Variants in SBNO2 observed in about 807,000 individuals in gnomAD.
SBNO2 encodes the protein protein strawberry notch homolog 2.
In SBNO2, 89 loss-of-function variants were observed where a neutral mutation model predicts 146.3. The ratio of observed to expected loss-of-function variants is 0.61; its 90% CI spans 0.51 to 0.73. The LOEUF is 0.73. Among genes scored for constraint, SBNO2 ranks in the 30% least tolerant of loss-of-function variants. The probability of loss-of-function intolerance (pLI) is 0.00; values close to 1 mark genes in which losing one functional copy is unlikely to be tolerated. For synonymous variants in SBNO2, 1,147 were observed against 892.6 expected (o/e 1.29, Z -5.08); for missense variants, 2,092 against 2,003.7 (o/e 1.04, Z -0.84).
rs932717753 is a variant in SBNO2, at chr19:1,150,534, G to A, written c.94-1092C>T. On this transcript the variant is annotated intron_variant, in intron 2 of 31. Coordinates refer to ENST00000361757, the MANE Select transcript of SBNO2 (RefSeq NM_014963.3). This position sits in a 1 kb window ranked among gnomAD's most constrained non-coding sequence, Gnocchi z 6.2. ...CCGTCACGGACGCCCCCACGGTCACGGGGGAGACCCTGCCGTCACGGACGC... is the reference window on the plus strand; with the variant it reads ...CCGTCACGGACGCCCCCACGGTCACAGGGGAGACCCTGCCGTCACGGACGC... Among the ~76,000 whole-genome samples the A allele has an allele frequency of 4.6e-5, 7 of 151,866 alleles. No individual in the cohort carries two copies. Among genetic ancestry groups the A allele is most frequent in the Non-Finnish European group, 8.8e-5 (6 of 67,890 alleles).
chr19:1,108,440 G>C lies in SBNO2; in HGVS notation c.3881C>G (p.Pro1294Arg). ...GGCCGCAGGGTCGGCCTGGGCGTCG[G>C]GGGTGCCCAGCGGCACGACGCCGGG... The part of the protein sequence containing the change: ...AGPGVVPLGT[P>R]DAQADPAALA... Residue 1294 changes from proline (P) to arginine (R), a missense_variant, in exon 32 of 32, where the codon CCC becomes CGC. Coordinates refer to ENST00000361757, the MANE Select transcript of SBNO2 (RefSeq NM_014963.3). The C allele has an allele frequency of 8.0e-7, 1 of 1,248,520 alleles. No individual in the cohort carries two copies. The highest frequency in any genetic ancestry group is 2.1e-5 in the South Asian group (1 of 46,754). The allele number at this position is 1,248,520 out of a possible 1,614,324, so 77.3% of individuals were successfully genotyped here.
chr19:1,128,569 T>A (rs2145244571), intron 4 of SBNO2, among the ~76,000 whole-genome samples: 1 of 151,968 alleles, frequency 6.6e-6, no homozygotes, highest in South Asian at 2.1e-4. Flanking sequence ...ATTTTTGTAT[T>A]TTTAGTAGAG....
chr19:1,156,705 G>A (rs922832603), intron 1 of SBNO2, among the ~76,000 whole-genome samples: 2 of 152,162 alleles, frequency 1.3e-5, no homozygotes, highest in African/African-American at 4.8e-5. Flanking sequence ...CCACAGCGCA[G>A]ACGCACCTTG....
chr19:1,134,316 A>ACCCACAGCTCC (rs1568598918), intron 4 of SBNO2, among the ~76,000 whole-genome samples: 24 of 146,996 alleles, frequency 1.6e-4, no homozygotes, highest in African/African-American at 3.7e-4. Context: ...CCTACAGCTC[A>ACCCACAGCTCC]CGGGTGGACC....
Position 1,116,815 on chromosome 19 carries a change from AC to A in SBNO2, c.1802+13del, listed in dbSNP as rs745648524. Reference sequence around the variant, plus strand: ...GCAGGAAGCCCACAGTCCTGTCCCCACCGTGACACTTACTCAGCGGCCGAGA... The same window carrying A: ...GCAGGAAGCCCACAGTCCTGTCCCCACGTGACACTTACTCAGCGGCCGAGA... On this transcript the variant is annotated intron_variant, in intron 16 of 31. Transcript: ENST00000361757. The A allele has an allele frequency of 1.9e-6, 3 of 1,571,872 alleles. No homozygotes were observed. Among genetic ancestry groups the A allele is most frequent in the Non-Finnish European group, 2.6e-6 (3 of 1,159,628 alleles).
At chr19:1,133,482 G>A (rs1318742670) in intron 4 of SBNO2, among the ~76,000 whole-genome samples, 2 of 152,160 alleles carry the variant, frequency 1.3e-5, no homozygotes, top group Non-Finnish European at 2.9e-5. Flanking sequence ...AGACCCTGAG[G>A]CCCTGTGCCA....
chr19:1,145,495 AAG>A (rs1320064538), intron 4 of SBNO2, among the ~76,000 whole-genome samples: 1 of 151,606 alleles, frequency 6.6e-6, no homozygotes, highest in African/African-American at 2.4e-5. Context: ...AAAAGAAAGA[AAG>A]AAAGGAAAGA....
intron 2 of SBNO2, 83 bp from the exon 3 acceptor site, chr19:1,149,525 G>A: frequency 7.6e-7 from 1 of 1,313,082 alleles, no homozygotes; most frequent in Non-Finnish European, 1.1e-6. Flanking sequence ...CAGGGTGACA[G>A]GCCGAGAGGC....
Position 1,126,906 on chromosome 19 carries a change from C to A in SBNO2, c.441+698G>T, listed in dbSNP as rs2079971875. ...AGTCGCACTGGGGCACGGCTAGAGG[C>A]TAGGCCCGAAGAACCTGGGGGCCCT... On this transcript the variant is annotated intron_variant, in intron 5 of 31. Transcript: ENST00000361757. This position sits in a 1 kb window ranked among gnomAD's most constrained non-coding sequence, Gnocchi z 4.4. Among the ~76,000 whole-genome samples, 1 of 152,222 alleles carries A rather than the reference C, an allele frequency of 6.6e-6. No individual in the cohort carries two copies. The highest frequency in any genetic ancestry group is 2.1e-4 in the South Asian group (1 of 4,834).
At position 1,108,221 on chromosome 19, in the gene SBNO2, C is replaced by G; in HGVS notation, c.4100G>C (p.Ter1367SerextTer29). Residue 1367 changes from the stop codon to serine (S), a stop_lost, in exon 32 of 32, where the codon TGA (stop) becomes TCA (serine). Transcript: ENST00000361757. ...PPFPGAQAPL[*>S] ...GGGCATGTTTCGCCTAAAGGCGTGT[C>G]AGAGAGGAGCCTGGGCGCCGGGGAA... The G allele has an allele frequency of 6.5e-7, 1 of 1,527,356 alleles. No homozygotes were observed. The highest frequency in any genetic ancestry group is 8.8e-7 in the Non-Finnish European group (1 of 1,135,252). The allele number at this position is 1,527,356 out of a possible 1,614,324, so 94.6% of individuals were successfully genotyped here. A position where few individuals can be genotyped will look rare whatever the true frequency, so the allele number is the denominator to read the frequency against.
chr19:1,122,038 T>A, intron 11 of SBNO2, 101 bp downstream of exon 11: 7 of 436,742 alleles, frequency 1.6e-5, no homozygotes, highest in Non-Finnish European at 2.1e-5. Context: ...CCTGCCCTCC[T>A]CTCCCCTGAC....
chr19:1,170,165 G>T (rs1599891404), intron 1 of SBNO2, among the ~76,000 whole-genome samples: 2 of 152,162 alleles, frequency 1.3e-5, no homozygotes. Context: ...CTCCTCACGG[G>T]GCCCAGGAGG....
At chr19:1,127,450 C>A in intron 5 of SBNO2, 154 bp downstream of exon 5, 1 of 730,494 alleles carries the variant, frequency 1.4e-6, no homozygotes. Context: ...AACTAACCAC[C>A]TCATCCATGG....
intron 4 of SBNO2, among the ~76,000 whole-genome samples, chr19:1,142,700 C>T (rs150081276): frequency 5.3e-5 from 8 of 151,712 alleles, no homozygotes; most frequent in East Asian, 1.9e-4. Context: ...AGGCCAGGTG[C>T]GGTGGCTCAT....
Position 1,112,779 on chromosome 19 carries a change from G to T in SBNO2, c.2379+39C>A. The T allele has an allele frequency of 6.5e-7, 1 of 1,531,058 alleles. No individual in the cohort carries two copies. 94.8% of individuals were successfully genotyped at this position (1,531,058 alleles called of 1,614,324 possible). The stretch of plus-strand genomic sequence containing the variant: ...CCCTTGGGCCCCTCTGTGCCTCTTG[G>T]GTCCCGTGGGCCGCGCCCAGTGCAC... On this transcript the variant is annotated intron_variant, in intron 20 of 31. Transcript: ENST00000361757. This position sits in a 1 kb window ranked among gnomAD's most constrained non-coding sequence, Gnocchi z 5.9.
In SBNO2 at chr19:1,122,734, C is replaced by A; in HGVS notation, c.838G>T (p.Ala280Ser). 1.3e-6 allele frequency: 2 copies of A among 1,537,150 alleles called. No homozygotes were observed. Among genetic ancestry groups the A allele is most frequent in the Middle Eastern group, 1.7e-4 (1 of 5,988 alleles). Residue 280 changes from alanine to serine, a missense_variant, in exon 9 of 32, where the codon GCC becomes TCC. Physicochemically the swap from Ala to Ser is moderately conservative, Grantham distance 99. Coordinates refer to ENST00000361757, the MANE Select transcript of SBNO2 (RefSeq NM_014963.3). Reference protein sequence around the residue: ...QRAGFLIGDGAGVGKGRTVAG... With the variant: ...QRAGFLIGDGSGVGKGRTVAG... Reference sequence around the variant, plus strand: ...ACCGTCCGGCCTTTGCCCACGCCGGCCCCATCGCCGATGAGAAAGCCCGCG... The same window carrying A: ...ACCGTCCGGCCTTTGCCCACGCCGGACCCATCGCCGATGAGAAAGCCCGCG...
At chr19:1,162,817 C>T (rs994147034) in intron 1 of SBNO2, among the ~76,000 whole-genome samples, 3 of 152,234 alleles carry the variant, frequency 2.0e-5, no homozygotes, top group African/African-American at 7.2e-5. Flanking sequence ...CAGCTACATG[C>T]ACACCCAGTC....
At chr19:1,170,086 C>T (rs894133304) in intron 1 of SBNO2, among the ~76,000 whole-genome samples, 3 of 152,220 alleles carry the variant, frequency 2.0e-5, no homozygotes. Context: ...TTGCGTCTGG[C>T]GTCTCTCCGC....
rs778684055 is a variant in SBNO2 at position 1,119,083 on chromosome 19, G to A, written c.1455C>T (p.Gly485=). ...GGATCTCCTCGATGCGGAAGGTGACGCCGGAGAAGCTGAGCTGGCGTGCGA... is the reference window on the plus strand; with the variant it reads ...GGATCTCCTCGATGCGGAAGGTGACACCGGAGAAGCTGAGCTGGCGTGCGA... ...MYIARQLSFS[G]VTFRIEEIPL... Residue 485 remains glycine, a synonymous_variant, in exon 14 of 32, where the codon GGC becomes GGT. Coordinates refer to ENST00000361757, the MANE Select transcript of SBNO2 (RefSeq NM_014963.3). The A allele has an allele frequency of 6.9e-6, 11 of 1,605,540 alleles. No homozygotes were observed. The highest frequency in any genetic ancestry group is 1.6e-4 in the Middle Eastern group (1 of 6,078).
Sources: gnomAD v4.1 joint callset for allele counts (sites outside exome capture counted in the v4.1 genomes callset) on GRCh38, gnomAD v4.1.1 for gene constraint, Gnocchi (gnomAD v3.1) non-coding constraint, MANE v1.5 for transcripts, NCBI Gene and HGNC (gene_info 2026-07-23, HGNC 2026-07-21) for gene names.